AUTS2: variants seen among roughly 807,000 people sequenced by gnomAD.
AUTS2 encodes autism susceptibility gene 2 protein.
AUTS2 carries 17 observed loss-of-function variants against 112.4 expected under a neutral mutation model. The ratio of observed to expected loss-of-function variants is 0.15; its 90% CI spans 0.10 to 0.23. The LOEUF (loss-of-function observed/expected upper bound fraction) is 0.23. Ranked by LOEUF, AUTS2 falls within the 10% of genes least tolerant of loss-of-function variation. The pLI is 1.00. For missense variants in AUTS2, 1,510 were observed against 1,701.6 expected (o/e 0.89, Z 1.98); for synonymous variants, 751 against 702.7 (o/e 1.07, Z -1.09).
At chr7:69,799,550 A>G (rs1458233753) in intron 1 of AUTS2, among the ~76,000 whole-genome samples, 5 of 152,208 alleles carry the variant, frequency 3.3e-5, no homozygotes, top group African/African-American at 1.2e-4. Context: ...TTACACTGAC[A>G]TCTCAGAAAT....
intron 4 of AUTS2, among the ~76,000 whole-genome samples, chr7:70,360,390 G>C (rs572186230): frequency 6.6e-6 from 1 of 152,298 alleles, no homozygotes; most frequent in Admixed American, 6.5e-5. Context: ...CAAGTGATCT[G>C]TCGTCTCCCA....
intron 5 of AUTS2, among the ~76,000 whole-genome samples, chr7:70,478,033 A>G (rs893338958): frequency 2.0e-5 from 3 of 152,174 alleles, no homozygotes; most frequent in Non-Finnish European, 2.9e-5. Flanking sequence ...GACTGTCCAC[A>G]GCAATAGAGA....
chr7:69,979,877 T>C (rs1320768407), intron 2 of AUTS2, among the ~76,000 whole-genome samples: 1 of 152,208 alleles, frequency 6.6e-6, no homozygotes, highest in Non-Finnish European at 1.5e-5. Context: ...ATTTTTGCCA[T>C]TTTTGGAGTT....
intron 5 of AUTS2, among the ~76,000 whole-genome samples, chr7:70,442,850 C>G (rs773718357): frequency 4.6e-5 from 7 of 152,126 alleles, no homozygotes; most frequent in Non-Finnish European, 7.4e-5. Context: ...CTCTTCTTAC[C>G]CCTTCAGGAT....
chr7:70,771,655 T>G lies in AUTS2; in HGVS notation c.1830+11T>G, dbSNP rs760118624. Reference sequence around the variant, plus strand: ...GCATTTCAGCCGAAGGTAAGAAACCTCACAGTGAAAACACACAGGCATGTG... The same window carrying G: ...GCATTTCAGCCGAAGGTAAGAAACCGCACAGTGAAAACACACAGGCATGTG... On this transcript the variant is annotated intron_variant, in intron 11 of 18. Transcript: ENST00000342771. 6.2e-7 allele frequency: 1 copy of G among 1,610,922 alleles called. No individual in the cohort carries two copies. The highest frequency in any genetic ancestry group is 1.7e-5 in the Admixed American group (1 of 60,012).
chr7:69,997,588 G>T (rs1799003658), intron 2 of AUTS2, among the ~76,000 whole-genome samples: 1 of 152,160 alleles, frequency 6.6e-6, no homozygotes, highest in Admixed American at 6.5e-5. Context: ...TCTCGTGAAG[G>T]CCTCAGGAAG....
intron 1 of AUTS2, among the ~76,000 whole-genome samples, chr7:69,758,918 C>A (rs1446975220): frequency 1.3e-5 from 2 of 152,126 alleles, no homozygotes; most frequent in Non-Finnish European, 2.9e-5. Flanking sequence ...CCTCTTCATG[C>A]CTAATGCCTG....
chr7:70,590,585 T>G (rs1480372454), intron 5 of AUTS2, among the ~76,000 whole-genome samples: 1 of 152,184 alleles, frequency 6.6e-6, no homozygotes, highest in Non-Finnish European at 1.5e-5. Context: ...CTCCAGACCT[T>G]TGAGCCGGTC....
intron 5 of AUTS2, among the ~76,000 whole-genome samples, chr7:70,615,546 AC>A (rs559179230): frequency 1.1e-3 from 166 of 149,736 alleles, no homozygotes; most frequent in African/African-American, 3.5e-3. Context: ...GAAAAAAAAA[AC>A]CTCTAGAAGA....
chr7:70,628,960 A>T (rs1174608990), intron 5 of AUTS2, among the ~76,000 whole-genome samples: 1 of 152,054 alleles, frequency 6.6e-6, no homozygotes, highest in African/African-American at 2.4e-5. Context: ...GAATGTAAGG[A>T]TGTCGGGAAG....
At chr7:70,249,588 T>C (rs920188520) in intron 4 of AUTS2, among the ~76,000 whole-genome samples, 4 of 152,032 alleles carry the variant, frequency 2.6e-5, no homozygotes, top group African/African-American at 9.7e-5. Flanking sequence ...AGAACACTCT[T>C]TGAGAAACAC....
chr7:70,773,918 A>AAAC, intron 11 of AUTS2, 110 bp from the exon 12 acceptor site: 1 of 1,031,470 alleles, frequency 9.7e-7, no homozygotes, highest in Non-Finnish European at 1.5e-6. Context: ...TTTCAGAAGG[A>AAAC]AACAAACAAA....
At chr7:70,647,731 C>T (rs1440904066) in intron 5 of AUTS2, among the ~76,000 whole-genome samples, 1 of 152,202 alleles carries the variant, frequency 6.6e-6, no homozygotes, top group East Asian at 1.9e-4. Flanking sequence ...CCACCACCCT[C>T]TCTCAGCCTC....
At chr7:70,708,045 G>T (rs1020369589) in intron 6 of AUTS2, among the ~76,000 whole-genome samples, 1 of 152,158 alleles carries the variant, frequency 6.6e-6, no homozygotes, top group Non-Finnish European at 1.5e-5. Context: ...AATGTCTCAA[G>T]TGTGCCCGTT....
At chr7:70,257,910 G>A (rs1482950091) in intron 4 of AUTS2, among the ~76,000 whole-genome samples, 3 of 152,140 alleles carry the variant, frequency 2.0e-5, no homozygotes, top group East Asian at 1.9e-4. Flanking sequence ...ACTCATCCCC[G>A]ACAGGGATTC....
chr7:70,213,986 A>G (rs1286340375), intron 4 of AUTS2, among the ~76,000 whole-genome samples: 1 of 152,196 alleles, frequency 6.6e-6, no homozygotes, highest in Non-Finnish European at 1.5e-5. Context: ...TATAAATATC[A>G]TTTCATTCCT....
chr7:70,623,790 A>G (rs1804798303), intron 5 of AUTS2, among the ~76,000 whole-genome samples: 1 of 152,212 alleles, frequency 6.6e-6, no homozygotes, highest in Non-Finnish European at 1.5e-5. Flanking sequence ...TCTGTTTTAT[A>G]TCTCATCACA....
intron 4 of AUTS2, among the ~76,000 whole-genome samples, chr7:70,147,286 T>C (rs1319457344): frequency 2.0e-5 from 3 of 152,084 alleles, no homozygotes; most frequent in African/African-American, 4.8e-5. Flanking sequence ...AAACATTTTA[T>C]TTAATAATGA....
chr7:70,052,860 CAGGATTAAAGTCT>C, intron 2 of AUTS2, among the ~76,000 whole-genome samples: 1 of 152,218 alleles, frequency 6.6e-6, no homozygotes, highest in Non-Finnish European at 1.5e-5. Flanking sequence ...GAGTCACAGC[CAGGATTAAAGTCT>C]AGGATGCTTG....
Sources: gnomAD v4.1 joint callset for allele counts (sites outside exome capture counted in the v4.1 genomes callset) on GRCh38, gnomAD v4.1.1 for gene constraint, MANE v1.5 for transcripts, NCBI Gene and HGNC (gene_info 2026-07-23, HGNC 2026-07-21) for gene names.